Variants in TANC1 observed in about 807,000 individuals in gnomAD.
The protein encoded by TANC1 is protein TANC1.
In TANC1, 77 loss-of-function variants were observed where a neutral mutation model predicts 149.7. The ratio of observed to expected loss-of-function variants is 0.51; its 90% CI spans 0.43 to 0.62. The LOEUF (loss-of-function observed/expected upper bound fraction) is 0.62. TANC1 is among the 20% of genes least tolerant of loss of function. The pLI is 0.00. For missense variants in TANC1, 1,985 were observed against 2,321.8 expected (o/e 0.85, Z 2.98); for synonymous variants, 854 against 925.0 (o/e 0.92, Z 1.39).
intron 12 of TANC1, among the ~76,000 whole-genome samples, chr2:159,175,400 C>A (rs1438706529): frequency 6.6e-6 from 1 of 152,112 alleles, no homozygotes; most frequent in East Asian, 1.9e-4. Context: ...AAAAGAAGCA[C>A]CCTGATAAGA....
At chr2:159,191,258 C>T (rs1339275686) in intron 16 of TANC1, among the ~76,000 whole-genome samples, 1 of 152,162 alleles carries the variant, frequency 6.6e-6, no homozygotes, top group African/African-American at 2.4e-5. Flanking sequence ...TGGGTCATCC[C>T]CATCCATGGA....
At chr2:159,076,131 C>G (rs940669288) in intron 3 of TANC1, among the ~76,000 whole-genome samples, 2 of 152,066 alleles carry the variant, frequency 1.3e-5, no homozygotes, top group Admixed American at 6.6e-5. Context: ...TGCCCTTGTA[C>G]TTGTTTTTTT....
intron 1 of TANC1, among the ~76,000 whole-genome samples, chr2:158,991,876 T>A (rs1185701105): frequency 6.6e-6 from 1 of 152,216 alleles, no homozygotes; most frequent in Admixed American, 6.5e-5. Flanking sequence ...TTATGCATAA[T>A]GCTAGATTAT....
At chr2:159,150,330 G>T (rs755463199) in intron 6 of TANC1, 40 bp from the exon 7 acceptor site, 2 of 1,566,664 alleles carry the variant, frequency 1.3e-6, no homozygotes, top group African/African-American at 1.4e-5. Context: ...GAAGCATCCT[G>T]TGTAAGCCGT....
chr2:159,229,841 C>T lies in TANC1; in HGVS notation c.4415C>T (p.Ser1472Phe), dbSNP rs575517621. The T allele has an allele frequency of 1.5e-5, 25 of 1,614,166 alleles. No individual in the cohort carries two copies. The South Asian group carries it at 2.6e-4, about 17-fold the overall frequency. Residue 1472 changes from serine (S) to phenylalanine (F), a missense_variant, in exon 27 of 27, where the codon TCC (serine) becomes TTC (phenylalanine). Transcript: ENST00000263635. ...EETSPQEESV[S>F]PTPRSQPSSS... Reference sequence around the variant, plus strand: ...ACTTCTCCCCAGGAAGAATCTGTTTCCCCAACTCCCAGGTCCCAGCCATCC... The same window carrying T: ...ACTTCTCCCCAGGAAGAATCTGTTTTCCCAACTCCCAGGTCCCAGCCATCC...
intron 7 of TANC1, among the ~76,000 whole-genome samples, chr2:159,161,093 C>T (rs2054004803): frequency 6.6e-6 from 1 of 152,198 alleles, no homozygotes; most frequent in African/African-American, 2.4e-5. Context: ...CAGCCATCCT[C>T]AGCTGCTCCA....
At chr2:159,002,413 G>T (rs1415547322) in intron 2 of TANC1, among the ~76,000 whole-genome samples, 1 of 152,220 alleles carries the variant, frequency 6.6e-6, no homozygotes, top group Non-Finnish European at 1.5e-5. Context: ...TGCCAAGGGT[G>T]AGGGTAAATC....
intron 14 of TANC1, among the ~76,000 whole-genome samples, chr2:159,181,109 A>T (rs1055029334): frequency 6.6e-6 from 1 of 152,208 alleles, no homozygotes; most frequent in African/African-American, 2.4e-5. Context: ...CTCTTTCTGT[A>T]GCATTTTAAA....
intron 2 of TANC1, among the ~76,000 whole-genome samples, chr2:159,045,791 C>T (rs879308080): frequency 4.6e-5 from 7 of 152,166 alleles, no homozygotes; most frequent in Non-Finnish European, 8.8e-5. Flanking sequence ...TCCCTTGTGC[C>T]ATAATTCATA....
intron 2 of TANC1, among the ~76,000 whole-genome samples, chr2:159,031,073 G>A (rs1012609795): frequency 6.6e-6 from 1 of 152,228 alleles, no homozygotes; most frequent in African/African-American, 2.4e-5. Context: ...TGAGGAGTTA[G>A]CAGCAGATTA....
At position 159,198,983 on chromosome 2, in the gene TANC1, G is replaced by A; in HGVS notation, c.3174G>A (p.Gln1058=). Residue 1058 remains glutamine, a synonymous_variant, in exon 19 of 27, where the codon CAG becomes CAA. Transcript: ENST00000263635. Reference sequence around the variant, plus strand: ...CTTGCCACTTCTGACAGGTGGTCCAGTGCTTGCTGGGGATGGAGAAGGAAC... The same window carrying A: ...CTTGCCACTTCTGACAGGTGGTCCAATGCTTGCTGGGGATGGAGAAGGAAC... ...AASMGHSSVV[Q]CLLGMEKEHE... is the part of the protein sequence containing the mutation. The A allele has an allele frequency of 6.2e-7, 1 of 1,613,982 alleles. No homozygotes were observed. Among genetic ancestry groups the A allele is most frequent in the Non-Finnish European group, 8.5e-7 (1 of 1,179,880 alleles).
intron 7 of TANC1, among the ~76,000 whole-genome samples, chr2:159,152,242 C>G (rs2052898706): frequency 6.6e-6 from 1 of 152,156 alleles, no homozygotes; most frequent in South Asian, 2.1e-4. Context: ...TACTTCTGTT[C>G]TTATGCCCTA....
chr2:159,134,917 C>T (rs76325340), intron 4 of TANC1, among the ~76,000 whole-genome samples: 3,611 of 152,228 alleles, frequency 0.024, 150 homozygotes, highest in African/African-American at 0.082. Context: ...CGTGCCTAGC[C>T]TTTTAATTTT....
chr2:159,160,925 C>G (rs542070612), intron 7 of TANC1, among the ~76,000 whole-genome samples: 1 of 152,166 alleles, frequency 6.6e-6, no homozygotes. Context: ...CTTCCTCCCC[C>G]ACCCCTTTTC....
intron 19 of TANC1, among the ~76,000 whole-genome samples, chr2:159,214,106 C>G (rs1288233847): frequency 9.1e-6 from 1 of 109,692 alleles, no homozygotes; most frequent in Admixed American, 1.5e-4. Flanking sequence ...GCCTGGGCAA[C>G]AGAGCAAGAT....
chr2:158,981,894 C>G (rs565175591), intron 1 of TANC1, among the ~76,000 whole-genome samples: 1 of 152,120 alleles, frequency 6.6e-6, no homozygotes, highest in Non-Finnish European at 1.5e-5. Flanking sequence ...AATGCTTATG[C>G]TAATCTAAAA....
At chr2:159,101,095 C>T (rs1266983533) in intron 4 of TANC1, among the ~76,000 whole-genome samples, 1 of 152,172 alleles carries the variant, frequency 6.6e-6, no homozygotes, top group Non-Finnish European at 1.5e-5. Context: ...TCCGAAACTA[C>T]CTTGATGACT....
At chr2:159,205,951 TTTCAGAGGTCC>T (rs1411914782) in intron 19 of TANC1, among the ~76,000 whole-genome samples, 5 of 152,218 alleles carry the variant, frequency 3.3e-5, no homozygotes, top group African/African-American at 9.6e-5. Context: ...ATACTGGATT[TTTCAGAGGTCC>T]TGAGCATCTC....
At chr2:159,197,234 A>G (rs1216847022) in intron 18 of TANC1, among the ~76,000 whole-genome samples, 1 of 152,208 alleles carries the variant, frequency 6.6e-6, no homozygotes, top group African/African-American at 2.4e-5. Context: ...GATAGCACAC[A>G]AGAATGCTTG....
Sources: allele counts gnomAD v4.1 joint callset (sites outside exome capture counted in the v4.1 genomes callset), GRCh38; gene constraint gnomAD v4.1.1; transcripts MANE v1.5; gene names NCBI Gene and HGNC (gene_info 2026-07-23, HGNC 2026-07-21).